The following SIL1 variants were observed in gnomAD, a reference collection of about 807,000 sequenced individuals.
SIL1 encodes the protein SIL1 nucleotide exchange factor.
Under a neutral mutation model 49.1 loss-of-function variants are expected in SIL1, and 40 were observed. That is an observed-to-expected ratio of 0.81 (90% CI 0.63 to 1.06). The LOEUF (loss-of-function observed/expected upper bound fraction) is 1.06, where lower values mean the gene tolerates loss of function less well. Among genes scored for constraint, SIL1 ranks in the 50% least tolerant of loss-of-function variants. The pLI is 0.00. For missense variants in SIL1, 500 were observed against 572.6 expected, an observed-to-expected ratio of 0.87 and a Z score of 1.29; for synonymous variants, 253 against 250.8, an observed-to-expected ratio of 1.01 and a Z score of -0.08.
intron 3 of SIL1, among the ~76,000 whole-genome samples, chr5:139,080,924 T>C (rs1770059113): frequency 6.6e-6 from 1 of 152,250 alleles, no homozygotes; most frequent in East Asian, 1.9e-4. Context: ...ACCCATAGAA[T>C]TTAAATTAGT....
chr5:139,029,999 T>C (rs978183011), intron 5 of SIL1, among the ~76,000 whole-genome samples: 6 of 151,626 alleles, frequency 4.0e-5, no homozygotes, highest in Admixed American at 6.6e-5. Context: ...AGAGCAAGCA[T>C]CTTTTCTCTC....
intron 3 of SIL1, among the ~76,000 whole-genome samples, chr5:139,105,897 G>T (rs1260821725): frequency 6.6e-6 from 1 of 152,230 alleles, no homozygotes; most frequent in Non-Finnish European, 1.5e-5. Context: ...TTCTCTCTGT[G>T]CAGGGAAAAG....
chr5:139,048,987 A>G (rs921288331), intron 4 of SIL1, among the ~76,000 whole-genome samples: 32 of 152,370 alleles, frequency 2.1e-4, no homozygotes, highest in African/African-American at 6.7e-4. Flanking sequence ...AATATGAAGT[A>G]GAATTTTCTA....
At chr5:138,992,266 C>T (rs920296593) in intron 7 of SIL1, among the ~76,000 whole-genome samples, 1 of 152,218 alleles carries the variant, frequency 6.6e-6, no homozygotes, top group Non-Finnish European at 1.5e-5. Flanking sequence ...CCACTCAAGA[C>T]CTTCAGAGAG....
intron 3 of SIL1, among the ~76,000 whole-genome samples, chr5:139,118,001 G>A (rs1157796671): frequency 6.6e-6 from 1 of 152,192 alleles, no homozygotes; most frequent in Non-Finnish European, 1.5e-5. Context: ...CAACACAGCT[G>A]TGGTCCTCCC....
At chr5:139,001,121 GAGTAAATTCAAAAGA>G (rs745419938) in intron 7 of SIL1, among the ~76,000 whole-genome samples, 9 of 151,612 alleles carry the variant, frequency 5.9e-5, no homozygotes, top group Admixed American at 2.6e-4. Context: ...AGTCAGGAAA[GAGTAAATTCAAAAGA>G]AGAATGAGAT....
chr5:139,128,492 C>G (rs533802863), intron 1 of SIL1, among the ~76,000 whole-genome samples: 1 of 151,640 alleles, frequency 6.6e-6, no homozygotes, highest in African/African-American at 2.4e-5. Context: ...ATTAAAAAAA[C>G]AAAAAAATTA....
intron 3 of SIL1, among the ~76,000 whole-genome samples, chr5:139,118,925 C>T (rs1317781217): frequency 2.0e-5 from 3 of 152,164 alleles, no homozygotes; most frequent in Non-Finnish European, 4.4e-5. Context: ...CTCACCAGTC[C>T]TGCTTTTGAG....
rs116293912 is a variant in SIL1, at chr5:138,982,142, C to T, written c.768-30258G>A. 7.1e-3 allele frequency among the ~76,000 whole-genome samples: 1,084 copies of T among 152,324 alleles called. 7 individuals are homozygous for T. The highest frequency in any genetic ancestry group is 0.011 in the Non-Finnish European group (781 of 68,022). On this transcript the variant is annotated intron_variant, in intron 7 of 9. Coordinates refer to ENST00000394817, the MANE Select transcript of SIL1 (RefSeq NM_022464.5). ...TATTCTTCATGTCTTGGTCTAGACT[C>T]TAAACATTTTGAGGACAGTAACCAT...
At chr5:139,115,093 C>T (rs1409641255) in intron 3 of SIL1, among the ~76,000 whole-genome samples, 1 of 151,826 alleles carries the variant, frequency 6.6e-6, no homozygotes, top group African/African-American at 2.4e-5. Context: ...TCTTGGGGAC[C>T]ATGGGGAATG....
chr5:139,141,641 C>T (rs985640413), intron 1 of SIL1, among the ~76,000 whole-genome samples: 3 of 152,016 alleles, frequency 2.0e-5, no homozygotes, highest in African/African-American at 7.3e-5. Flanking sequence ...TGGGCAATAG[C>T]GAGACCCCTA....
At chr5:139,170,939 G>A (rs1402294557) in intron 1 of SIL1, among the ~76,000 whole-genome samples, 15 of 148,364 alleles carry the variant, frequency 1.0e-4, no homozygotes, top group South Asian at 4.3e-4. Flanking sequence ...CGCCCCGTCC[G>A]GGAGGGAGGT....
chr5:138,958,574 C>T (rs970090237), intron 7 of SIL1, among the ~76,000 whole-genome samples: 7 of 151,972 alleles, frequency 4.6e-5, no homozygotes, highest in Non-Finnish European at 1.0e-4. Context: ...ATCTTAAGTC[C>T]AAAAATCTAA....
chr5:138,995,856 C>T (rs1767859696), intron 7 of SIL1, among the ~76,000 whole-genome samples: 1 of 152,098 alleles, frequency 6.6e-6, no homozygotes, highest in African/African-American at 2.4e-5. Flanking sequence ...ACATAATGAC[C>T]TCCAATTCCC....
intron 3 of SIL1, among the ~76,000 whole-genome samples, chr5:139,087,482 C>G (rs1770249617): frequency 1.3e-5 from 2 of 152,044 alleles, no homozygotes; most frequent in Admixed American, 1.3e-4. Context: ...AGTTTCCAGG[C>G]TGCAGTGAGC....
chr5:139,163,127 G>A (rs949172285), intron 1 of SIL1, among the ~76,000 whole-genome samples: 2 of 151,928 alleles, frequency 1.3e-5, no homozygotes, highest in African/African-American at 2.4e-5. Context: ...TGCCAAGGAA[G>A]GCAGGCAGGG....
chr5:139,045,278 G>A (rs1769131616), intron 4 of SIL1, among the ~76,000 whole-genome samples: 6 of 152,142 alleles, frequency 3.9e-5, no homozygotes, highest in African/African-American at 1.4e-4. Context: ...GATTGCTTGA[G>A]CCCAGGCTGT....
At chr5:139,005,280 C>T (rs1768086737) in intron 7 of SIL1, among the ~76,000 whole-genome samples, 1 of 151,782 alleles carries the variant, frequency 6.6e-6, no homozygotes, top group Non-Finnish European at 1.5e-5. Context: ...AAAAGAAGTT[C>T]TAGTTGTGTC....
chr5:139,183,168 G>A (rs1752022101), intron 1 of SIL1, among the ~76,000 whole-genome samples: 1 of 152,198 alleles, frequency 6.6e-6, no homozygotes, highest in South Asian at 2.1e-4. Flanking sequence ...CTCTGGCCCG[G>A]CACAGGTCAG....
Sources: allele counts gnomAD v4.1 joint callset (sites outside exome capture counted in the v4.1 genomes callset), GRCh38; gene constraint gnomAD v4.1.1; transcripts MANE v1.5; gene names NCBI Gene and HGNC (gene_info 2026-07-23, HGNC 2026-07-21).